Variants in THADA observed in about 807,000 individuals in gnomAD.
THADA encodes THADA armadillo repeat containing.
A neutral mutation model predicts 219.8 loss-of-function variants in THADA; 213 were observed. The observed-to-expected ratio is 0.97, with a 90% CI of 0.87 to 1.09. THADA has a LOEUF of 1.09. Among genes scored for constraint, THADA ranks in the 50% least tolerant of loss-of-function variants. The pLI, the probability that THADA is intolerant of heterozygous loss-of-function variation, is 0.00. For missense variants in THADA, 2,956 were observed against 2,311.3 expected (o/e 1.28, Z -5.72); for synonymous variants, 1,018 against 828.9 (o/e 1.23, Z -3.92).
intron 23 of THADA, 57 bp from the exon 24 acceptor site, chr2:43,505,792 C>T: frequency 2.4e-6 from 3 of 1,245,846 alleles, no homozygotes; most frequent in South Asian, 1.3e-5. Context: ...TACTTGTTTG[C>T]TGCTTCCCTG....
At position 43,292,700 on chromosome 2, in the gene THADA, C is replaced by T. The variant is rs916687198; in HGVS notation, c.4818+134G>A. Reference sequence around the variant, plus strand: ...ACCATAAAAAGAGAGTCCTTATCCACTGGCTGCCGAATCTACTTCCTATTG... The same window carrying T: ...ACCATAAAAAGAGAGTCCTTATCCATTGGCTGCCGAATCTACTTCCTATTG... On this transcript the variant is annotated intron_variant, in intron 32 of 37. Coordinates refer to ENST00000405975, the MANE Select transcript of THADA (RefSeq NM_022065.5). The T allele has an allele frequency of 1.1e-5, 12 of 1,117,176 alleles. No homozygotes were observed. The African/African-American group carries it at 1.4e-4, about 13-fold the overall frequency. 69.2% of individuals were successfully genotyped at this position (1,117,176 alleles called of 1,614,324 possible).
chr2:43,265,864 T>C (rs531661807), intron 36 of THADA, among the ~76,000 whole-genome samples: 1 of 152,030 alleles, frequency 6.6e-6, no homozygotes, highest in East Asian at 1.9e-4. Flanking sequence ...GTTTTCTTCC[T>C]AAGCGTTCTC....
intron 26 of THADA, among the ~76,000 whole-genome samples, chr2:43,472,252 G>C (rs1409353386): frequency 6.6e-6 from 1 of 152,210 alleles, no homozygotes; most frequent in East Asian, 1.9e-4. Flanking sequence ...AAGTATTTAA[G>C]TATGATATCT....
intron 36 of THADA, among the ~76,000 whole-genome samples, chr2:43,241,075 G>A (rs772981232): frequency 1.1e-4 from 17 of 152,024 alleles, no homozygotes; most frequent in Admixed American, 2.6e-4. Context: ...GGGCCCAGGT[G>A]GACCCCTCTT....
intron 28 of THADA, among the ~76,000 whole-genome samples, chr2:43,421,132 T>C (rs1677666133): frequency 6.6e-6 from 1 of 152,234 alleles, no homozygotes; most frequent in Non-Finnish European, 1.5e-5. Context: ...TTTACATGTT[T>C]TGCAAGTTTG....
intron 30 of THADA, among the ~76,000 whole-genome samples, chr2:43,336,176 T>C (rs549430499): frequency 2.0e-5 from 3 of 152,160 alleles, no homozygotes; most frequent in African/African-American, 7.2e-5. Flanking sequence ...AGAGGATCAC[T>C]TGAGCCCAGG....
At chr2:43,503,657 C>T (rs778522884) in intron 24 of THADA, among the ~76,000 whole-genome samples, 2 of 151,990 alleles carry the variant, frequency 1.3e-5, no homozygotes, top group African/African-American at 4.8e-5. Context: ...TTTCTGTATA[C>T]TGAAATATTT....
intron 26 of THADA, among the ~76,000 whole-genome samples, chr2:43,467,068 G>C (rs962188355): frequency 6.6e-5 from 10 of 150,764 alleles, no homozygotes; most frequent in Admixed American, 6.6e-4. Context: ...TGTAGTCCCA[G>C]CTACTCGGGA....
chr2:43,377,366 C>A (rs1401032442), intron 29 of THADA, among the ~76,000 whole-genome samples: 1 of 152,082 alleles, frequency 6.6e-6, no homozygotes, highest in Non-Finnish European at 1.5e-5. Flanking sequence ...TATGATGTTT[C>A]CCCCTCCTCT....
chr2:43,520,940 G>A (rs79965992), intron 22 of THADA, among the ~76,000 whole-genome samples: 9,786 of 137,234 alleles, frequency 0.071, 457 homozygotes, highest in South Asian at 0.1. Flanking sequence ...AGGGAAGGAG[G>A]GAGGGAGGGA....
chr2:43,570,799 AATGTGTGTGCAATT>A (rs1350933496), intron 13 of THADA, among the ~76,000 whole-genome samples: 1 of 151,930 alleles, frequency 6.6e-6, no homozygotes, highest in Non-Finnish European at 1.5e-5. Flanking sequence ...TCACCCCATA[AATGTGTGTGCAATT>A]AATTCAAGTT....
At chr2:43,428,712 A>G (rs1365110110) in intron 27 of THADA, among the ~76,000 whole-genome samples, 1 of 152,094 alleles carries the variant, frequency 6.6e-6, no homozygotes, top group Admixed American at 6.5e-5. Flanking sequence ...TGTGCATCAT[A>G]AGAAAAAACT....
chr2:43,593,629 A>AAT (rs1701814180), intron 1 of THADA, among the ~76,000 whole-genome samples: 1 of 143,022 alleles, frequency 7.0e-6, no homozygotes, highest in Non-Finnish European at 1.5e-5. Flanking sequence ...TCTACTACAG[A>AAT]CTTTTTTTTT....
chr2:43,439,205 A>G (rs1680532100), intron 26 of THADA, among the ~76,000 whole-genome samples: 1 of 152,204 alleles, frequency 6.6e-6, no homozygotes. Context: ...TTCCAGAACT[A>G]AACAATTCAT....
intron 28 of THADA, among the ~76,000 whole-genome samples, chr2:43,422,392 G>A (rs956159898): frequency 1.3e-5 from 2 of 151,904 alleles, no homozygotes; most frequent in African/African-American, 2.4e-5. Flanking sequence ...ACCTCCCCTC[G>A]ACAGATACTA....
At chr2:43,568,035 G>C (rs768981788) in intron 14 of THADA, among the ~76,000 whole-genome samples, 1 of 151,904 alleles carries the variant, frequency 6.6e-6, no homozygotes, top group Non-Finnish European at 1.5e-5. Flanking sequence ...GGGGGTGGGG[G>C]GGAGAAAATA....
At chr2:43,426,682 T>G (rs1315949121) in intron 28 of THADA, among the ~76,000 whole-genome samples, 1 of 152,192 alleles carries the variant, frequency 6.6e-6, no homozygotes, top group East Asian at 1.9e-4. Flanking sequence ...TGCCAGAACC[T>G]CATGTTTAAT....
At chr2:43,595,347 T>C (rs1399494248) in intron 1 of THADA, among the ~76,000 whole-genome samples, 4 of 152,188 alleles carry the variant, frequency 2.6e-5, no homozygotes, top group South Asian at 4.1e-4. Flanking sequence ...TGTAAAGGGA[T>C]AGTCAGATCT....
chr2:43,571,878 C>T lies in THADA; in HGVS notation c.1909-16G>A. 6.2e-7 allele frequency: 1 copy of T among 1,609,010 alleles called. No individual in the cohort carries two copies. Among genetic ancestry groups the T allele is most frequent in the Non-Finnish European group, 8.5e-7 (1 of 1,177,512 alleles). On this transcript the variant is annotated splice_polypyrimidine_tract_variant and intron_variant, in intron 12 of 37. Coordinates refer to ENST00000405975, the MANE Select transcript of THADA (RefSeq NM_022065.5). ...CTATCCTTACCTAAAAAACATCAAG[C>T]AATAAAATGTTAATTTTCCAAGAAA...
Sources: allele counts gnomAD v4.1 joint callset (sites outside exome capture counted in the v4.1 genomes callset), GRCh38; gene constraint gnomAD v4.1.1; transcripts MANE v1.5; gene names NCBI Gene and HGNC (gene_info 2026-07-23, HGNC 2026-07-21).